ANK3: variants seen among roughly 807,000 people sequenced by gnomAD.
ANK3 encodes the protein ankyrin 3.
Under a neutral mutation model 370.9 loss-of-function variants are expected in ANK3, and 57 were observed. The observed-to-expected ratio is 0.15, with a 90% CI of 0.12 to 0.19. The LOEUF (loss-of-function observed/expected upper bound fraction) is 0.19. Among genes scored for constraint, ANK3 ranks in the 10% least tolerant of loss-of-function variants. The probability of loss-of-function intolerance (pLI) is 1.00; values close to 1 mark genes in which losing one functional copy is unlikely to be tolerated. For missense variants in ANK3, 4,439 were observed against 5,302.1 expected, an observed-to-expected ratio of 0.84 and a Z score of 5.06; for synonymous variants, 1,929 against 1,946.3, an observed-to-expected ratio of 0.99 and a Z score of 0.23.
intron 2 of ANK3, among the ~76,000 whole-genome samples, chr10:60,510,912 C>T (rs1158201515): frequency 6.6e-6 from 1 of 152,118 alleles, no homozygotes; most frequent in Non-Finnish European, 1.5e-5. Context: ...CCAGCCTATG[C>T]CTCTACACTG....
chr10:60,303,528 C>T (rs540143805), intron 1 of ANK3, among the ~76,000 whole-genome samples: 6 of 152,050 alleles, frequency 3.9e-5, no homozygotes, highest in Non-Finnish European at 5.9e-5. Context: ...CAAATCAAAA[C>T]CACAATGAGC....
At chr10:60,536,277 A>T (rs956686889) in intron 2 of ANK3, among the ~76,000 whole-genome samples, 1 of 152,078 alleles carries the variant, frequency 6.6e-6, no homozygotes, top group Non-Finnish European at 1.5e-5. Context: ...TACTTTAAAG[A>T]TGTAACAATC....
intron 1 of ANK3, among the ~76,000 whole-genome samples, chr10:60,353,906 G>A (rs79603065): frequency 0.18 from 27,878 of 152,246 alleles, 3,092 homozygotes; most frequent in South Asian, 0.3. Flanking sequence ...GGCCAGCAGA[G>A]CTACGTGCAT....
chr10:60,696,483 C>T (rs977516407), intron 1 of ANK3, among the ~76,000 whole-genome samples: 14 of 151,640 alleles, frequency 9.2e-5, no homozygotes, highest in African/African-American at 3.2e-4. Context: ...CCTTGATGAA[C>T]ATTGATGCAA....
chr10:60,141,408 C>A lies in ANK3; in HGVS notation c.2615-2321G>T, dbSNP rs144297572. On this transcript the variant is annotated intron_variant, in intron 23 of 43. Transcript: ENST00000280772. ...CCCAGATAGGAGGCAGGACTGAGGT[C>A]TGTCACTTTGCTGTTACATTGTTTC... Among the ~76,000 whole-genome samples the A allele has an allele frequency of 6.6e-5, 10 of 152,032 alleles. No homozygotes were observed. The East Asian group carries it at 1.9e-3, about 29-fold the overall frequency.
chr10:60,706,301 G>T (rs139451824), intron 1 of ANK3, among the ~76,000 whole-genome samples: 34 of 152,234 alleles, frequency 2.2e-4, no homozygotes, highest in Admixed American at 3.9e-4. Flanking sequence ...TGATATCTCT[G>T]ACCAGAAACA....
At chr10:60,235,748 A>G (rs2097322869) in intron 7 of ANK3, among the ~76,000 whole-genome samples, 1 of 152,106 alleles carries the variant, frequency 6.6e-6, no homozygotes, top group Non-Finnish European at 1.5e-5. Context: ...TGCTGTTCAC[A>G]AAGAATCAAT....
At chr10:60,384,859 C>T (rs1312257749) in intron 1 of ANK3, among the ~76,000 whole-genome samples, 1 of 152,180 alleles carries the variant, frequency 6.6e-6, no homozygotes, top group East Asian at 1.9e-4. Context: ...CTCTCACATC[C>T]TGCCTACAAT....
intron 1 of ANK3, among the ~76,000 whole-genome samples, chr10:60,718,183 C>T (rs77348396): frequency 0.083 from 12,652 of 152,206 alleles, 777 homozygotes; most frequent in Non-Finnish European, 0.11. Context: ...TAGGTTGCAG[C>T]TCACTACATG....
At position 60,074,037 on chromosome 10, in the gene ANK3, A is replaced by G. The variant is rs763718442; in HGVS notation, c.6844T>C (p.Ser2282Pro). 1 of 1,614,122 alleles carries G rather than the reference A, an allele frequency of 6.2e-7. No homozygotes were observed. The highest frequency in any genetic ancestry group is 8.5e-7 in the Non-Finnish European group (1 of 1,180,004). The change falls in exon 37 of 44, where the codon TCC becomes CCC. Residue 2282 changes from serine (S) to proline (P), a missense_variant. Coordinates refer to ENST00000280772, the MANE Select transcript of ANK3 (RefSeq NM_020987.5). ...SVHDIMKAFQ[S>P]GRDPSKELAG... The stretch of plus-strand genomic sequence containing the variant: ...AGTTCTTTGGAAGGATCCCGCCCGG[A>G]CTGAAAGGCCTTCATGATGTCATGG...
At chr10:60,574,507 T>G (rs1047116203) in intron 2 of ANK3, among the ~76,000 whole-genome samples, 1 of 152,162 alleles carries the variant, frequency 6.6e-6, no homozygotes, top group African/African-American at 2.4e-5. Context: ...CTGCCACTAT[T>G]CAGTAACATT....
At chr10:60,230,172 G>A (rs2097218216) in intron 8 of ANK3, among the ~76,000 whole-genome samples, 1 of 152,172 alleles carries the variant, frequency 6.6e-6, no homozygotes, top group South Asian at 2.1e-4. Context: ...TTGAGTCTCT[G>A]ATTGGTCTGT....
At chr10:60,550,727 G>T (rs768045551) in intron 2 of ANK3, among the ~76,000 whole-genome samples, 2 of 152,006 alleles carry the variant, frequency 1.3e-5, no homozygotes, top group Admixed American at 6.6e-5. Context: ...TGAACACAGC[G>T]CATTCTGGCA....
chr10:60,543,507 T>A (rs2076896273), intron 2 of ANK3, among the ~76,000 whole-genome samples: 1 of 151,864 alleles, frequency 6.6e-6, no homozygotes, highest in African/African-American at 2.4e-5. Context: ...ATGGAAAAGG[T>A]CAGTTCCAGG....
At chr10:60,427,776 CAG>C (rs2063922509) in intron 2 of ANK3, among the ~76,000 whole-genome samples, 1 of 152,108 alleles carries the variant, frequency 6.6e-6, no homozygotes, top group Admixed American at 6.5e-5. Flanking sequence ...TCTTCATGCA[CAG>C]AGAGTCAAAG....
chr10:60,621,017 G>T (rs113782047), intron 1 of ANK3, among the ~76,000 whole-genome samples: 4 of 152,286 alleles, frequency 2.6e-5, no homozygotes, highest in African/African-American at 9.6e-5. Flanking sequence ...ACATTGCAAA[G>T]ACAGCATTCA....
At chr10:60,722,144 A>C (rs964374657) in intron 1 of ANK3, among the ~76,000 whole-genome samples, 2 of 152,064 alleles carry the variant, frequency 1.3e-5, no homozygotes, top group African/African-American at 2.4e-5. Context: ...CTCGCACCCC[A>C]CAGCAGCTTT....
rs1256280279 is a variant in ANK3, at chr10:60,064,263, T to G, written c.12345A>C (p.Ser4115=). ...CACGTATTTGATTGATTTCATCCAC[T>G]GAAAAATTCAGTTCCCTTGCCAGTT... The part of the protein sequence containing the change: ...WTELARELNF[S]VDEINQIRVE... Residue 4115 remains serine (S), a synonymous_variant, in exon 39 of 44, where the codon TCA becomes TCC. Coordinates refer to ENST00000280772, the MANE Select transcript of ANK3 (RefSeq NM_020987.5). The G allele has an allele frequency of 6.3e-7, 1 of 1,578,280 alleles. No homozygotes were observed. The highest frequency in any genetic ancestry group is 8.6e-7 in the Non-Finnish European group (1 of 1,169,394).
intron 21 of ANK3, among the ~76,000 whole-genome samples, chr10:60,171,269 A>G (rs1265790481): frequency 6.6e-6 from 1 of 152,214 alleles, no homozygotes; most frequent in East Asian, 1.9e-4. Context: ...TCTCTTTTGC[A>G]AATTACAAAA....
Sources: allele counts gnomAD v4.1 joint callset (sites outside exome capture counted in the v4.1 genomes callset), GRCh38; gene constraint gnomAD v4.1.1; transcripts MANE v1.5; gene names NCBI Gene and HGNC (gene_info 2026-07-23, HGNC 2026-07-21).